Variants in PLCXD3 observed in about 807,000 individuals in gnomAD.
The protein encoded by PLCXD3 is phosphatidylinositol specific phospholipase C X domain containing 3.
Under a neutral mutation model 25.5 loss-of-function variants are expected in PLCXD3, and 19 were observed. The ratio of observed to expected loss-of-function variants is 0.75; its 90% CI spans 0.52 to 1.09. The LOEUF is 1.09. Ranked by LOEUF, PLCXD3 falls within the 50% of genes least tolerant of loss-of-function variation. The pLI is 0.00. For synonymous variants in PLCXD3, 174 were observed against 137.6 expected, an observed-to-expected ratio of 1.26 and a Z score of -1.85; for missense variants, 411 against 388.1, an observed-to-expected ratio of 1.06 and a Z score of -0.50.
At chr5:41,403,401 G>GTTTTTGTT (rs1554047952) in intron 1 of PLCXD3, among the ~76,000 whole-genome samples, 7 of 18,388 alleles carry the variant, frequency 3.8e-4, no homozygotes, top group East Asian at 9.2e-4. Flanking sequence ...CTTATTTGTT[G>GTTTTTGTT]TTTTTTTTTT....
intron 1 of PLCXD3, among the ~76,000 whole-genome samples, chr5:41,403,401 G>GTTTGTTTGTTTTTTTTTTTTTTTTT (rs1554047951): frequency 5.4e-5 from 1 of 18,412 alleles, no homozygotes; most frequent in African/African-American, 1.8e-4. Flanking sequence ...CTTATTTGTT[G>GTTTGTTTGTTTTTTTTTTTTTTTTT]TTTTTTTTTT....
intron 1 of PLCXD3, among the ~76,000 whole-genome samples, chr5:41,481,534 G>C (rs1356877919): frequency 6.6e-6 from 1 of 152,140 alleles, no homozygotes; most frequent in Non-Finnish European, 1.5e-5. Context: ...AGGTGCAGGG[G>C]GACCCTAAAA....
chr5:41,307,481 A>G lies in PLCXD3; in HGVS notation c.*6136T>C, dbSNP rs1743030408. ...CCTTTGATCTCACTGTTCTTATTTTAGGGCTTCTTGGGTTTTCAATTCCAA... is the reference window on the plus strand; with the variant it reads ...CCTTTGATCTCACTGTTCTTATTTTGGGGCTTCTTGGGTTTTCAATTCCAA... On this transcript the variant is annotated 3_prime_UTR_variant, in exon 3 of 3. Transcript: ENST00000377801. The G allele has an allele frequency of 6.6e-6, 1 of 152,292 alleles. No individual in the cohort carries two copies. Among genetic ancestry groups the G allele is most frequent in the Non-Finnish European group, 1.5e-5 (1 of 68,006 alleles). 9.4% of individuals were successfully genotyped at this position (152,292 alleles called of 1,614,324 possible). A position where few individuals can be genotyped will look rare whatever the true frequency, so the allele number is the denominator to read the frequency against.
intron 2 of PLCXD3, among the ~76,000 whole-genome samples, chr5:41,343,486 GTGACTTATTTTGGCTAAAATAAA>G (rs1183179491): frequency 6.6e-6 from 1 of 152,124 alleles, no homozygotes; most frequent in Non-Finnish European, 1.5e-5. Context: ...TGCAAAGTAA[GTGACTTATTTTGGCTAAAATAAA>G]TGGTCTATTC....
At chr5:41,379,259 A>T (rs1051079886) in intron 2 of PLCXD3, among the ~76,000 whole-genome samples, 1 of 152,098 alleles carries the variant, frequency 6.6e-6, no homozygotes, top group East Asian at 1.9e-4. Flanking sequence ...GGATACAGTT[A>T]AAAATAACAC....
chr5:41,351,213 A>T (rs1486980140), intron 2 of PLCXD3, among the ~76,000 whole-genome samples: 1 of 152,182 alleles, frequency 6.6e-6, no homozygotes, highest in Admixed American at 6.6e-5. Context: ...AAGATATCCT[A>T]GCTCACTAGG....
At chr5:41,391,900 A>G (rs1288280871) in intron 1 of PLCXD3, among the ~76,000 whole-genome samples, 1 of 152,142 alleles carries the variant, frequency 6.6e-6, no homozygotes, top group Non-Finnish European at 1.5e-5. Flanking sequence ...AGGGAACACC[A>G]GCAATAGTGT....
At chr5:41,492,856 T>C (rs1045580421) in intron 1 of PLCXD3, among the ~76,000 whole-genome samples, 4 of 152,222 alleles carry the variant, frequency 2.6e-5, no homozygotes, top group African/African-American at 7.2e-5. Flanking sequence ...AGTTTTCAAC[T>C]TCTTTGCCTT....
At position 41,314,079 on chromosome 5, in the gene PLCXD3, A is replaced by G. The variant is rs571499852; in HGVS notation, c.813-309T>C. Among the ~76,000 whole-genome samples, 3 of 152,342 alleles carry G rather than the reference A, an allele frequency of 2.0e-5. No homozygotes were observed. The South Asian group carries it at 6.2e-4, about 32-fold the overall frequency. ...TTTTGCATTTGTATTCTGATTTAAC[A>G]TGGTGTCATCACAAACCCTGCAAAA... On this transcript the variant is annotated intron_variant, in intron 2 of 2. Coordinates refer to ENST00000377801, the MANE Select transcript of PLCXD3 (RefSeq NM_001005473.3).
At chr5:41,419,735 T>A (rs1022119132) in intron 1 of PLCXD3, among the ~76,000 whole-genome samples, 57 of 152,190 alleles carry the variant, frequency 3.7e-4, no homozygotes, top group African/African-American at 1.2e-3. Context: ...GACAACAGAT[T>A]AAATTTTTTA....
intron 1 of PLCXD3, among the ~76,000 whole-genome samples, chr5:41,434,481 A>T (rs1747190180): frequency 1.3e-5 from 2 of 152,184 alleles, no homozygotes; most frequent in Non-Finnish European, 1.5e-5. Context: ...CTTGGTGACT[A>T]GATTGAGGCC....
At position 41,414,845 on chromosome 5, in the gene PLCXD3, A is replaced by G. The variant is rs78522378; in HGVS notation, c.104-32311T>C. Among the ~76,000 whole-genome samples the G allele has an allele frequency of 3.5e-4, 53 of 152,280 alleles. No homozygotes were observed. In the East Asian group the frequency reaches 6.6e-3, roughly 19 times the overall value. ...CTACCCACTCCTTAGTCATTTAGAA[A>G]CCATCTCAGTTATCAGATCAACTGT... On this transcript the variant is annotated intron_variant, in intron 1 of 2. Transcript: ENST00000377801.
At chr5:41,331,082 G>A (rs538370962) in intron 2 of PLCXD3, among the ~76,000 whole-genome samples, 2 of 152,236 alleles carry the variant, frequency 1.3e-5, no homozygotes, top group Admixed American at 1.3e-4. Flanking sequence ...CATAGTGTTG[G>A]AAGTTCTGGC....
At chr5:41,496,536 A>G (rs1748841391) in intron 1 of PLCXD3, among the ~76,000 whole-genome samples, 1 of 151,724 alleles carries the variant, frequency 6.6e-6, no homozygotes, top group Non-Finnish European at 1.5e-5. Context: ...TGTGAGACAG[A>G]AGGAAGTAGA....
chr5:41,396,149 T>C (rs1420937199), intron 1 of PLCXD3, among the ~76,000 whole-genome samples: 2 of 152,208 alleles, frequency 1.3e-5, no homozygotes, highest in Non-Finnish European at 2.9e-5. Flanking sequence ...TGAAATGGTT[T>C]GGCTGTGTCC....
chr5:41,473,339 G>A (rs779717998), intron 1 of PLCXD3, among the ~76,000 whole-genome samples: 1 of 152,042 alleles, frequency 6.6e-6, no homozygotes, highest in Admixed American at 6.5e-5. Flanking sequence ...CATACAAAGT[G>A]ATAGCACATG....
At chr5:41,374,427 G>A (rs894479912) in intron 2 of PLCXD3, among the ~76,000 whole-genome samples, 4 of 152,140 alleles carry the variant, frequency 2.6e-5, no homozygotes, top group East Asian at 3.9e-4. Flanking sequence ...AATTGGTCCC[G>A]GCACTGGCTT....
intron 1 of PLCXD3, among the ~76,000 whole-genome samples, chr5:41,490,495 G>T (rs1159618958): frequency 1.3e-5 from 2 of 152,150 alleles, no homozygotes; most frequent in African/African-American, 4.8e-5. Flanking sequence ...GTTTGGAATA[G>T]TTTCAGAAGG....
intron 2 of PLCXD3, among the ~76,000 whole-genome samples, chr5:41,333,864 A>T (rs1009117058): frequency 5.9e-5 from 9 of 152,144 alleles, no homozygotes; most frequent in Admixed American, 5.9e-4. Context: ...TAAAGAAAAC[A>T]TTAATCTGAA....
Sources: gnomAD v4.1 joint callset for allele counts (sites outside exome capture counted in the v4.1 genomes callset) on GRCh38, gnomAD v4.1.1 for gene constraint, MANE v1.5 for transcripts, NCBI Gene and HGNC (gene_info 2026-07-23, HGNC 2026-07-21) for gene names.